RNF150: variants seen among roughly 807,000 people sequenced by gnomAD.
RNF150 encodes the protein ring finger protein 150.
RNF150 carries 24 observed loss-of-function variants against 39.3 expected under a neutral mutation model. That is an observed-to-expected ratio of 0.61 (90% CI 0.44 to 0.86). RNF150 has a LOEUF of 0.86. Among genes scored for constraint, RNF150 ranks in the 40% least tolerant of loss-of-function variants. The pLI, the probability that RNF150 is intolerant of heterozygous loss-of-function variation, is 0.00. For missense variants in RNF150, 502 were observed against 587.8 expected, an observed-to-expected ratio of 0.85 and a Z score of 1.51; for synonymous variants, 255 against 227.3, an observed-to-expected ratio of 1.12 and a Z score of -1.10.
intron 1 of RNF150, among the ~76,000 whole-genome samples, chr4:141,195,952 T>C (rs373061803): frequency 1.3e-5 from 2 of 152,114 alleles, no homozygotes; most frequent in African/African-American, 4.8e-5. Context: ...AAAGGGGGCA[T>C]GTGGACAAAG....
intron 1 of RNF150, among the ~76,000 whole-genome samples, chr4:141,166,678 TC>T (rs1274599176): frequency 6.6e-6 from 1 of 151,864 alleles, no homozygotes; most frequent in Non-Finnish European, 1.5e-5. Context: ...TATAAACAGA[TC>T]CAATGACAAA....
chr4:141,126,709 T>A (rs1409642875), intron 1 of RNF150, among the ~76,000 whole-genome samples: 1 of 152,206 alleles, frequency 6.6e-6, no homozygotes, highest in Non-Finnish European at 1.5e-5. Flanking sequence ...GGTTTTCTGA[T>A]CAAGAAGCCA....
In RNF150 at chr4:141,132,638, G is replaced by T; in HGVS notation, c.171C>A (p.Ala57=). The T allele has an allele frequency of 6.3e-7, 1 of 1,585,616 alleles. No individual in the cohort carries two copies. The change falls in exon 1 of 7, where the codon GCC becomes GCA. Residue 57 remains alanine, a synonymous_variant. Transcript: ENST00000515673. The surrounding 1 kb of genome is among the most constrained non-coding windows in gnomAD (Gnocchi z 4.9). The stretch of plus-strand genomic sequence containing the variant: ...CCGCGCCGCCGCCGCCCGCCGCCCC[G>T]GCCCCGGGGTCCGGCGCGGGCTCGG... ...TYAEPAPDPG[A]GAAGGGGAEL... is the part of the protein sequence containing the mutation.
At chr4:141,085,248 C>T (rs1237771955) in intron 1 of RNF150, among the ~76,000 whole-genome samples, 2 of 152,178 alleles carry the variant, frequency 1.3e-5, no homozygotes, top group African/African-American at 4.8e-5. Flanking sequence ...GACTTACTCA[C>T]TCTCATGAGA....
At chr4:141,088,718 G>C (rs1035247360) in intron 1 of RNF150, among the ~76,000 whole-genome samples, 2 of 144,564 alleles carry the variant, frequency 1.4e-5, no homozygotes, top group African/African-American at 5.1e-5. Context: ...CTTGAAAAGA[G>C]AGTAGAGGAA....
intron 1 of RNF150, among the ~76,000 whole-genome samples, chr4:141,074,518 GGGATTAGCA>G (rs1349818306): frequency 6.6e-6 from 1 of 152,032 alleles, no homozygotes; most frequent in Non-Finnish European, 1.5e-5. Flanking sequence ...AGGCAACCTA[GGGATTAGCA>G]TCAGTAGGAG....
chr4:140,897,602 G>T (rs1300996585), intron 6 of RNF150, among the ~76,000 whole-genome samples: 1 of 152,184 alleles, frequency 6.6e-6, no homozygotes, highest in Non-Finnish European at 1.5e-5. Flanking sequence ...CTCTGACATG[G>T]TTCCTAGACT....
intron 1 of RNF150, among the ~76,000 whole-genome samples, chr4:141,198,166 CA>C (rs1728233512): frequency 6.6e-6 from 1 of 151,500 alleles, no homozygotes; most frequent in South Asian, 2.1e-4. Flanking sequence ...GCTGGGATTA[CA>C]GGTGTGCACC....
chr4:141,194,297 A>G (rs1340573998), intron 1 of RNF150, among the ~76,000 whole-genome samples: 1 of 152,224 alleles, frequency 6.6e-6, no homozygotes, highest in Non-Finnish European at 1.5e-5. Context: ...GGGAAAATTA[A>G]TTTTTACTAA....
At chr4:141,102,772 A>T (rs913178590) in intron 1 of RNF150, among the ~76,000 whole-genome samples, 1 of 152,092 alleles carries the variant, frequency 6.6e-6, no homozygotes, top group African/African-American at 2.4e-5. Flanking sequence ...GGAACTGTAC[A>T]TGGTTTCCTA....
chr4:141,190,833 G>A (rs902268174), intron 1 of RNF150, among the ~76,000 whole-genome samples: 2 of 152,172 alleles, frequency 1.3e-5, no homozygotes, highest in African/African-American at 4.8e-5. Context: ...ATTATATTTT[G>A]TATAACTGAT....
chr4:141,076,533 C>T (rs1737901016), intron 1 of RNF150, among the ~76,000 whole-genome samples: 1 of 151,684 alleles, frequency 6.6e-6, no homozygotes, highest in South Asian at 2.1e-4. Context: ...GTCAAGCCTT[C>T]AAACTGAGCT....
intron 1 of RNF150, among the ~76,000 whole-genome samples, chr4:140,997,703 T>A (rs560659268): frequency 1.4e-5 from 2 of 146,986 alleles, no homozygotes; most frequent in African/African-American, 5.1e-5. Flanking sequence ...TGTGTATATA[T>A]ACACACACAT....
At chr4:140,986,109 C>T (rs959132185) in intron 1 of RNF150, among the ~76,000 whole-genome samples, 13 of 152,070 alleles carry the variant, frequency 8.5e-5, no homozygotes, top group African/African-American at 3.1e-4. Flanking sequence ...TGGCTGTTCT[C>T]TTCTATAAAT....
chr4:141,147,655 A>T (rs560934237), intron 1 of RNF150, among the ~76,000 whole-genome samples: 143 of 152,222 alleles, frequency 9.4e-4, no homozygotes, highest in African/African-American at 3.2e-3. Context: ...TCCCAAACTT[A>T]GGCAGACTAA....
chr4:141,045,029 G>T (rs1736518090), intron 1 of RNF150, among the ~76,000 whole-genome samples: 1 of 152,152 alleles, frequency 6.6e-6, no homozygotes, highest in Admixed American at 6.5e-5. Context: ...AACCATATGA[G>T]GTACATCCCA....
At chr4:141,090,587 T>C (rs1738542838) in intron 1 of RNF150, among the ~76,000 whole-genome samples, 1 of 152,200 alleles carries the variant, frequency 6.6e-6, no homozygotes, top group African/African-American at 2.4e-5. Context: ...AATAGTGATG[T>C]GGCAGCCCAG....
intron 1 of RNF150, among the ~76,000 whole-genome samples, chr4:140,994,862 T>A (rs1259025454): frequency 2.6e-5 from 4 of 152,154 alleles, no homozygotes. Flanking sequence ...GTACACAGTA[T>A]AATAGGTACC....
chr4:140,936,329 G>A (rs1731862414), intron 4 of RNF150, among the ~76,000 whole-genome samples: 1 of 152,156 alleles, frequency 6.6e-6, no homozygotes, highest in South Asian at 2.1e-4. Context: ...ACAAGGTAGG[G>A]TGTATTTAAC....
Sources: allele counts gnomAD v4.1 joint callset (sites outside exome capture counted in the v4.1 genomes callset), GRCh38; gene constraint gnomAD v4.1.1; non-coding constraint Gnocchi (gnomAD v3.1); transcripts MANE v1.5; gene names NCBI Gene and HGNC (gene_info 2026-07-23, HGNC 2026-07-21).